Variants in GRIN3A observed in about 807,000 individuals in gnomAD.
GRIN3A encodes glutamate receptor ionotropic, NMDA 3A.
Under a neutral mutation model 92.4 loss-of-function variants are expected in GRIN3A, and 47 were observed. That is an observed-to-expected ratio of 0.51 (90% CI 0.40 to 0.65). The LOEUF (loss-of-function observed/expected upper bound fraction) is 0.65. Among genes scored for constraint, GRIN3A ranks in the 30% least tolerant of loss-of-function variants. The pLI is 0.00. For synonymous variants in GRIN3A, 527 were observed against 540.6 expected, an observed-to-expected ratio of 0.97 and a Z score of 0.35; for missense variants, 1,324 against 1,393.1, an observed-to-expected ratio of 0.95 and a Z score of 0.79.
At chr9:101,723,647 G>C (rs1288275917) in intron 1 of GRIN3A, among the ~76,000 whole-genome samples, 3 of 152,096 alleles carry the variant, frequency 2.0e-5, no homozygotes, top group African/African-American at 7.2e-5. Flanking sequence ...TGATGGGTGC[G>C]TTTACAATCC....
intron 2 of GRIN3A, among the ~76,000 whole-genome samples, chr9:101,680,938 A>G (rs192296684): frequency 6.6e-6 from 1 of 152,362 alleles, no homozygotes; most frequent in East Asian, 1.9e-4. Flanking sequence ...GATCAGAACT[A>G]TGGCTAATTA....
intron 6 of GRIN3A, among the ~76,000 whole-genome samples, chr9:101,603,305 C>T (rs1828235379): frequency 6.6e-6 from 1 of 152,006 alleles, no homozygotes; most frequent in African/African-American, 2.4e-5. Flanking sequence ...TATTATTCAC[C>T]AAATATATGT....
intron 4 of GRIN3A, among the ~76,000 whole-genome samples, chr9:101,626,176 T>A (rs553472131): frequency 6.6e-6 from 1 of 152,206 alleles, no homozygotes; most frequent in African/African-American, 2.4e-5. Context: ...TATTATAGAA[T>A]CATGCCCTGT....
At chr9:101,731,608 T>A (rs1830140257) in intron 1 of GRIN3A, among the ~76,000 whole-genome samples, 1 of 152,152 alleles carries the variant, frequency 6.6e-6, no homozygotes, top group Non-Finnish European at 1.5e-5. Flanking sequence ...AGCCTTTCAA[T>A]GTCAAAGTTT....
At chr9:101,619,744 A>G (rs41337446) in intron 5 of GRIN3A, among the ~76,000 whole-genome samples, 9,833 of 152,318 alleles carry the variant, frequency 0.065, 1,044 homozygotes, top group African/African-American at 0.22. Context: ...TTTGGCAGAA[A>G]GATCACACAT....
At chr9:101,631,309 A>G (rs1828707444) in intron 3 of GRIN3A, among the ~76,000 whole-genome samples, 1 of 152,220 alleles carries the variant, frequency 6.6e-6, no homozygotes, top group African/African-American at 2.4e-5. Context: ...CATCTCACTT[A>G]GCACAAACTA....
chr9:101,577,578 T>C (rs910361300), intron 8 of GRIN3A, among the ~76,000 whole-genome samples, 190 bp downstream of exon 8: 1 of 152,202 alleles, frequency 6.6e-6, no homozygotes, highest in African/African-American at 2.4e-5. Context: ...ACTACACTTC[T>C]AACCATGACA....
chr9:101,732,431 T>C (rs2119046110), intron 1 of GRIN3A, among the ~76,000 whole-genome samples: 1 of 152,328 alleles, frequency 6.6e-6, no homozygotes, highest in Non-Finnish European at 1.5e-5. Flanking sequence ...ATGGCAGGAC[T>C]TAAGGCTCTA....
intron 2 of GRIN3A, among the ~76,000 whole-genome samples, chr9:101,671,824 T>C (rs978636366): frequency 6.6e-6 from 1 of 152,102 alleles, no homozygotes; most frequent in East Asian, 1.9e-4. Context: ...AGAGAAACAA[T>C]TGGCCCTGGT....
intron 1 of GRIN3A, among the ~76,000 whole-genome samples, chr9:101,716,294 A>G (rs1050099801): frequency 2.1e-4 from 32 of 152,180 alleles, no homozygotes; most frequent in African/African-American, 7.2e-4. Flanking sequence ...CTTGAATTTT[A>G]GTGTGAGGGA....
At chr9:101,715,337 T>G (rs1035365130) in intron 1 of GRIN3A, among the ~76,000 whole-genome samples, 2 of 152,112 alleles carry the variant, frequency 1.3e-5, no homozygotes, top group African/African-American at 2.4e-5. Context: ...AATGCCATAT[T>G]AAATGAAATA....
At chr9:101,579,945 G>T (rs534555023) in intron 6 of GRIN3A, among the ~76,000 whole-genome samples, 266 of 152,194 alleles carry the variant, frequency 1.7e-3, no homozygotes, top group African/African-American at 6.3e-3. Flanking sequence ...TGGCCAACTT[G>T]TGGGGGATGC....
chr9:101,618,085 C>T (rs1043710412), intron 5 of GRIN3A, among the ~76,000 whole-genome samples: 1 of 151,828 alleles, frequency 6.6e-6, no homozygotes, highest in East Asian at 1.9e-4. Context: ...CATAAAAACC[C>T]TAGAAGAAAA....
intron 5 of GRIN3A, among the ~76,000 whole-genome samples, chr9:101,614,374 G>T (rs913256812): frequency 6.6e-6 from 1 of 152,062 alleles, no homozygotes; most frequent in African/African-American, 2.4e-5. Flanking sequence ...TCTTTGACAA[G>T]AGAATGAGTA....
chr9:101,619,585 C>G (rs1000566878), intron 5 of GRIN3A, among the ~76,000 whole-genome samples: 1 of 152,164 alleles, frequency 6.6e-6, no homozygotes, highest in African/African-American at 2.4e-5. Context: ...GGTGAGGAAC[C>G]TGAAGAGTAG....
Position 101,613,402 on chromosome 9 carries a change from C to T in GRIN3A, c.2740G>A (p.Gly914Ser), listed in dbSNP as rs753544701. The T allele has an allele frequency of 1.2e-6, 2 of 1,614,130 alleles. No homozygotes were observed. Among genetic ancestry groups the T allele is most frequent in the South Asian group, 1.1e-5 (1 of 91,072 alleles). Residue 914 changes from glycine (G) to serine (S), a missense_variant, in exon 6 of 9, where the codon GGC becomes AGC. By Grantham distance (56) the Gly-to-Ser change is moderately conservative. Coordinates refer to ENST00000361820, the MANE Select transcript of GRIN3A (RefSeq NM_133445.3). ...HDKWYRVVPC[G>S]KRSFAVTETL... is the part of the protein sequence containing the mutation. ...TCCGTGACAGCAAAACTTCTCTTGC[C>T]ACAGGGAACCACCCTGTACCACTTG...
chr9:101,652,229 C>A (rs2118918323), intron 3 of GRIN3A, among the ~76,000 whole-genome samples: 1 of 152,006 alleles, frequency 6.6e-6, no homozygotes, highest in East Asian at 1.9e-4. Context: ...GGAACAGAGA[C>A]AAAATTCAAA....
chr9:101,666,333 A>T (rs1252816638), intron 3 of GRIN3A, among the ~76,000 whole-genome samples: 1 of 151,974 alleles, frequency 6.6e-6, no homozygotes, highest in African/African-American at 2.4e-5. Context: ...AAACAGATTT[A>T]AAAATGCCAC....
intron 6 of GRIN3A, among the ~76,000 whole-genome samples, chr9:101,581,286 A>G (rs1827883627): frequency 1.3e-5 from 2 of 152,186 alleles, no homozygotes; most frequent in African/African-American, 4.8e-5. Context: ...GCATAAACAA[A>G]GGAAAAAAGA....
Sources: gnomAD v4.1 joint callset for allele counts (sites outside exome capture counted in the v4.1 genomes callset) on GRCh38, gnomAD v4.1.1 for gene constraint, MANE v1.5 for transcripts, NCBI Gene and HGNC (gene_info 2026-07-23, HGNC 2026-07-21) for gene names.